The following SH3BP5 variants were observed in gnomAD, a reference collection of about 807,000 sequenced individuals.
SH3BP5 encodes SH3 domain-binding protein 5.
SH3BP5 carries 22 observed loss-of-function variants against 43.3 expected under a neutral mutation model. That is an observed-to-expected ratio of 0.51 (90% CI 0.36 to 0.73). The LOEUF is 0.73. SH3BP5 is among the 30% of genes least tolerant of loss of function. The pLI is 0.00. For synonymous variants in SH3BP5, 255 were observed against 225.8 expected (o/e 1.13, Z -1.16); for missense variants, 529 against 586.9 (o/e 0.90, Z 1.02).
upstream of SH3BP5, among the ~76,000 whole-genome samples, chr3:15,334,843 T>C (rs529832984): frequency 8.0e-4 from 122 of 152,020 alleles, no homozygotes; most frequent in African/African-American, 2.8e-3. Flanking sequence ...TCACAGCTAT[T>C]TGGGAGGCTG....
chr3:15,283,500 C>A (rs2125084060), intron 3 of SH3BP5, among the ~76,000 whole-genome samples: 1 of 152,304 alleles, frequency 6.6e-6, no homozygotes, highest in Non-Finnish European at 1.5e-5. Context: ...TGCTCATGGT[C>A]CCTTAAAGCC....
intron 1 of SH3BP5, among the ~76,000 whole-genome samples, chr3:15,341,064 A>C (rs1698759968): frequency 6.6e-6 from 1 of 152,064 alleles, no homozygotes; most frequent in African/African-American, 2.4e-5. Flanking sequence ...AAAAATAATA[A>C]ATAAATAAAT....
chr3:15,256,152 G>C lies in SH3BP5; in HGVS notation c.1302C>G (p.Leu434=), dbSNP rs1258522040. The C allele has an allele frequency of 6.2e-7, 1 of 1,614,216 alleles. No homozygotes were observed. Among genetic ancestry groups the C allele is most frequent in the African/African-American group, 1.3e-5 (1 of 75,064 alleles). ...GQALENRMKQ[L]SLQCSKGRDG... The stretch of plus-strand genomic sequence containing the variant: ...CTCTTCCCTTTGAGCACTGTAGGGA[G>C]AGCTGCTTCATCCGGTTCTCCAAGG... The change falls in exon 9 of 9, where the codon CTC becomes CTG. Residue 434 remains leucine, a synonymous_variant. Transcript: ENST00000383791.
At chr3:15,276,211 C>T (rs1373728135) in intron 3 of SH3BP5, among the ~76,000 whole-genome samples, 1 of 152,006 alleles carries the variant, frequency 6.6e-6, no homozygotes, top group Admixed American at 6.5e-5. Context: ...ACTCAACTTC[C>T]ACTGTTGCCC....
At chr3:15,299,699 C>A (rs1372505731) in intron 3 of SH3BP5, among the ~76,000 whole-genome samples, 1 of 151,798 alleles carries the variant, frequency 6.6e-6, no homozygotes, top group African/African-American at 2.4e-5. Context: ...CAAGATCTCA[C>A]CATGTTGCCC....
At chr3:15,302,159 T>A (rs1033473353) in intron 3 of SH3BP5, among the ~76,000 whole-genome samples, 1 of 152,178 alleles carries the variant, frequency 6.6e-6, no homozygotes, top group Non-Finnish European at 1.5e-5. Context: ...GATACAACCT[T>A]GGCCTACAGT....
chr3:15,320,433 G>A (rs1307029543), intron 2 of SH3BP5, among the ~76,000 whole-genome samples: 1 of 152,070 alleles, frequency 6.6e-6, no homozygotes, highest in Non-Finnish European at 1.5e-5. Flanking sequence ...TGCAAATTCT[G>A]TGATACTCTT....
chr3:15,292,224 G>A (rs1180948695), intron 3 of SH3BP5, among the ~76,000 whole-genome samples: 1 of 152,192 alleles, frequency 6.6e-6, no homozygotes, highest in Non-Finnish European at 1.5e-5. Context: ...CATCTGAAGA[G>A]CATCATGGTT....
At position 15,269,746 on chromosome 3, in the gene SH3BP5, G is replaced by C; in HGVS notation, c.462C>G (p.Ala154=). The change falls in exon 4 of 9, where the codon GCC becomes GCG. Residue 154 remains alanine (A), a synonymous_variant. Transcript: ENST00000383791. ...TGGCGTGATTCAGCATCTCCTGCCA[G>C]GCGGAGTCGAACTGCCGCTTGTCAT... is the stretch of plus-strand genomic sequence containing the variant. ...LEDDKRQFDS[A]WQEMLNHATQ... The C allele has an allele frequency of 6.2e-7, 1 of 1,610,046 alleles. No homozygotes were observed. Among genetic ancestry groups the C allele is most frequent in the East Asian group, 2.2e-5 (1 of 44,750 alleles).
intron 2 of SH3BP5, among the ~76,000 whole-genome samples, chr3:15,316,884 C>T (rs188897329): frequency 1.3e-3 from 196 of 152,338 alleles, no homozygotes; most frequent in Non-Finnish European, 2.3e-3. Flanking sequence ...TAAGCAAGAA[C>T]GTGCTCATGC....
chr3:15,283,195 C>G (rs570075475), intron 3 of SH3BP5, among the ~76,000 whole-genome samples: 4 of 152,294 alleles, frequency 2.6e-5, no homozygotes, highest in Admixed American at 2.6e-4. Context: ...GCCAGAAGTT[C>G]AAGACCAGCC....
upstream of SH3BP5, among the ~76,000 whole-genome samples, chr3:15,334,435 T>TA (rs2124838887): frequency 6.6e-6 from 1 of 152,150 alleles, no homozygotes; most frequent in African/African-American, 2.4e-5. Flanking sequence ...AATGCATATT[T>TA]AAAAATACAT....
chr3:15,260,106 A>T, intron 5 of SH3BP5: 1 of 434,396 alleles, frequency 2.3e-6, no homozygotes, highest in South Asian at 2.3e-5. Flanking sequence ...CCTCTGTGGG[A>T]AGGCTGTTCA....
At chr3:15,284,902 C>T (rs1009779954) in intron 3 of SH3BP5, among the ~76,000 whole-genome samples, 8 of 152,168 alleles carry the variant, frequency 5.3e-5, no homozygotes, top group Admixed American at 3.3e-4. Flanking sequence ...ACTGGACGAC[C>T]GAATGCCTGG....
At chr3:15,291,676 T>C (rs1697416604) in intron 3 of SH3BP5, among the ~76,000 whole-genome samples, 1 of 152,110 alleles carries the variant, frequency 6.6e-6, no homozygotes, top group Non-Finnish European at 1.5e-5. Context: ...GTTCTGTCTC[T>C]CACATGTGCA....
At chr3:15,300,491 A>G (rs943725943) in intron 3 of SH3BP5, among the ~76,000 whole-genome samples, 7 of 71,592 alleles carry the variant, frequency 9.8e-5, no homozygotes, top group African/African-American at 2.6e-4. Flanking sequence ...TTGTAAATAT[A>G]AAAAGGAAGC....
chr3:15,312,866 T>C (rs1010813490), intron 2 of SH3BP5, among the ~76,000 whole-genome samples: 9 of 152,176 alleles, frequency 5.9e-5, no homozygotes, highest in South Asian at 2.1e-4. Context: ...CCTATATATA[T>C]ATTATTCTTT....
upstream of SH3BP5, chr3:15,333,009 C>A (rs549533245): frequency 1.4e-4 from 115 of 806,914 alleles, no homozygotes; most frequent in Non-Finnish European, 1.6e-4. Flanking sequence ...GCGGAGGTTC[C>A]GTGCACTGAT....
chr3:15,335,961 A>C (rs1468224683), upstream of SH3BP5, among the ~76,000 whole-genome samples: 1 of 152,160 alleles, frequency 6.6e-6, no homozygotes, highest in Non-Finnish European at 1.5e-5. Context: ...GTGGAATTTA[A>C]AGATAAATTT....
Sources: gnomAD v4.1 joint callset for allele counts (sites outside exome capture counted in the v4.1 genomes callset) on GRCh38, gnomAD v4.1.1 for gene constraint, MANE v1.5 for transcripts, NCBI Gene and HGNC (gene_info 2026-07-23, HGNC 2026-07-21) for gene names.